Variants in FIP1L1 observed in about 807,000 individuals in gnomAD.
FIP1L1 encodes the protein factor interacting with PAPOLA and CPSF1.
Under a neutral mutation model 84.6 loss-of-function variants are expected in FIP1L1, and 21 were observed. The observed-to-expected ratio is 0.25, with a 90% CI of 0.18 to 0.36. The LOEUF is 0.36. Among genes scored for constraint, FIP1L1 ranks in the 10% least tolerant of loss-of-function variants. The pLI is 1.00. For missense variants in FIP1L1, 526 were observed against 751.1 expected, an observed-to-expected ratio of 0.70 and a Z score of 3.50; for synonymous variants, 263 against 242.3, an observed-to-expected ratio of 1.09 and a Z score of -0.80.
At chr4:53,384,851 A>G (rs963590318) in intron 5 of FIP1L1, among the ~76,000 whole-genome samples, 2 of 152,250 alleles carry the variant, frequency 1.3e-5, no homozygotes, top group African/African-American at 4.8e-5. Context: ...CATAAAATAC[A>G]TTAATTTCAC....
At chr4:53,379,764 A>G (rs1283753002) in intron 3 of FIP1L1, among the ~76,000 whole-genome samples, 4 of 152,202 alleles carry the variant, frequency 2.6e-5, no homozygotes, top group African/African-American at 9.6e-5. Flanking sequence ...GTTAGATTGT[A>G]AGAAAGATGT....
intron 11 of FIP1L1, among the ~76,000 whole-genome samples, chr4:53,422,365 ACTT>A (rs958920070): frequency 2.0e-5 from 3 of 151,964 alleles, no homozygotes; most frequent in Admixed American, 1.3e-4. Context: ...TGTAAAGTGT[ACTT>A]CTTACTGTGT....
intron 12 of FIP1L1, 38 bp downstream of exon 12, chr4:53,426,003 A>G: frequency 7.3e-7 from 1 of 1,360,558 alleles, no homozygotes; most frequent in Non-Finnish European, 1.0e-6. Flanking sequence ...CTTTAACTGA[A>G]GGATGATATC....
intron 10 of FIP1L1, among the ~76,000 whole-genome samples, chr4:53,407,327 A>C (rs1197194968): frequency 2.0e-5 from 3 of 152,028 alleles, no homozygotes; most frequent in Admixed American, 1.3e-4. Context: ...GTTCTGAGTG[A>C]GTTTCTTAAT....
At chr4:53,438,171 T>C (rs78509922) in intron 13 of FIP1L1, among the ~76,000 whole-genome samples, 1 of 152,268 alleles carries the variant, frequency 6.6e-6, no homozygotes, top group African/African-American at 2.4e-5. Flanking sequence ...TTTAAACTCA[T>C]TTTTCAGATA....
At chr4:53,414,041 T>G (rs1285923974) in intron 10 of FIP1L1, among the ~76,000 whole-genome samples, 2 of 152,208 alleles carry the variant, frequency 1.3e-5, no homozygotes, top group African/African-American at 2.4e-5. Context: ...TTGGCAATAT[T>G]GCAAATATCT....
intron 15 of FIP1L1, among the ~76,000 whole-genome samples, chr4:53,452,636 A>C (rs1716792272): frequency 6.6e-6 from 1 of 152,178 alleles, no homozygotes; most frequent in South Asian, 2.1e-4. Flanking sequence ...AACACTTTGA[A>C]GATGTCCCAG....
intron 3 of FIP1L1, among the ~76,000 whole-genome samples, chr4:53,380,168 A>T (rs538570669): frequency 3.0e-5 from 3 of 100,396 alleles, no homozygotes; most frequent in Non-Finnish European, 8.0e-5. Flanking sequence ...TTCAGACAAA[A>T]ACTTGTACGT....
At chr4:53,411,004 T>C in intron 10 of FIP1L1, among the ~76,000 whole-genome samples, 1 of 152,154 alleles carries the variant, frequency 6.6e-6, no homozygotes, top group East Asian at 1.9e-4. Context: ...CAACTTTTCT[T>C]GAAATTAATG....
intron 13 of FIP1L1, 67 bp from the exon 14 acceptor site, chr4:53,442,586 C>T (rs373014643): frequency 1.6e-5 from 18 of 1,109,256 alleles, no homozygotes; most frequent in Non-Finnish European, 2.5e-5. Context: ...TATGCAGCAA[C>T]TTTGTTTCAC....
At chr4:53,397,379 A>T (rs1477391332) in intron 9 of FIP1L1, among the ~76,000 whole-genome samples, 1 of 152,184 alleles carries the variant, frequency 6.6e-6, no homozygotes, top group Non-Finnish European at 1.5e-5. Context: ...GTGTGGCTAG[A>T]GCTTGAATCC....
chr4:53,418,869 A>T (rs1760968939), intron 11 of FIP1L1, among the ~76,000 whole-genome samples: 1 of 152,166 alleles, frequency 6.6e-6, no homozygotes, highest in Non-Finnish European at 1.5e-5. Flanking sequence ...TCTAAGAATG[A>T]CCTCTTCCTC....
intron 3 of FIP1L1, among the ~76,000 whole-genome samples, chr4:53,381,750 A>ATTTTTTTTTTTTTTTTTTTTTTTTTT (rs1233462083): frequency 1.6e-5 from 1 of 63,068 alleles, no homozygotes; most frequent in Non-Finnish European, 3.0e-5. Context: ...AGGCATTTGC[A>ATTTTTTTTTTTTTTTTTTTTTTTTTT]TTCTTTTTTT....
At chr4:53,433,300 A>C (rs1474565944) in intron 13 of FIP1L1, among the ~76,000 whole-genome samples, 1 of 152,224 alleles carries the variant, frequency 6.6e-6, no homozygotes, top group Admixed American at 6.5e-5. Flanking sequence ...CCTCCTAAGG[A>C]TAGCCCCTGT....
At chr4:53,404,291 G>A (rs1223638060) in intron 10 of FIP1L1, among the ~76,000 whole-genome samples, 2 of 151,014 alleles carry the variant, frequency 1.3e-5, no homozygotes, top group Non-Finnish European at 2.9e-5. Context: ...ATAGTTTACT[G>A]AGAATGATGA....
Position 53,459,875 on chromosome 4 carries a change from T to TATCA in FIP1L1, c.*427_*430dup, listed in dbSNP as rs575008436. On this transcript the variant is annotated 3_prime_UTR_variant, in exon 18 of 18. Coordinates refer to ENST00000337488, the MANE Select transcript of FIP1L1 (RefSeq NM_030917.4). ...AAGGCTTGAGATTAAAACTAGTCTTTATCATTACTGCTGTGACACTCTTGC... is the reference window on the plus strand; with the variant it reads ...AAGGCTTGAGATTAAAACTAGTCTTTATCAATCATTACTGCTGTGACACTCTTGC... 1.3e-3 allele frequency: 299 copies of TATCA among 236,462 alleles called. No individual in the cohort carries two copies. Among genetic ancestry groups the TATCA allele is most frequent in the African/African-American group, 6.2e-3 (280 of 45,012 alleles). The allele number at this position is 236,462 out of a possible 1,614,324, so 14.6% of individuals were successfully genotyped here.
chr4:53,430,341 C>CTT (rs376793476), intron 13 of FIP1L1, among the ~76,000 whole-genome samples: 3,024 of 76,072 alleles, frequency 0.04, 16 homozygotes, highest in Non-Finnish European at 0.049. Flanking sequence ...GATAAAATTA[C>CTT]TTTTTTTTTT....
chr4:53,399,903 T>C (rs1444908164), intron 10 of FIP1L1, 64 bp downstream of exon 10: 2 of 1,073,816 alleles, frequency 1.9e-6, no homozygotes, highest in Non-Finnish European at 2.8e-6. Flanking sequence ...GTATTTGTGC[T>C]ATATTAAGTA....
chr4:53,402,814 A>C (rs1321537393), intron 10 of FIP1L1, among the ~76,000 whole-genome samples: 1 of 152,210 alleles, frequency 6.6e-6, no homozygotes, highest in Admixed American at 6.5e-5. Flanking sequence ...ATAAAGCCAA[A>C]GGGATGAGAT....
Sources: allele counts gnomAD v4.1 joint callset (sites outside exome capture counted in the v4.1 genomes callset), GRCh38; gene constraint gnomAD v4.1.1; transcripts MANE v1.5; gene names NCBI Gene and HGNC (gene_info 2026-07-23, HGNC 2026-07-21).